The following RAB28 variants were observed in gnomAD, a reference collection of about 807,000 sequenced individuals.
The protein encoded by RAB28 is RAB28, member RAS oncogene family.
A neutral mutation model predicts 31.7 loss-of-function variants in RAB28; 24 were observed. The ratio of observed to expected loss-of-function variants is 0.76; its 90% CI spans 0.55 to 1.06. The LOEUF is 1.06. Ranked by LOEUF, RAB28 falls within the 50% of genes least tolerant of loss-of-function variation. RAB28 has a pLI of 0.00. For missense variants in RAB28, 254 were observed against 258.5 expected (o/e 0.98, Z 0.12); for synonymous variants, 100 against 90.4 (o/e 1.11, Z -0.60).
At chr4:13,376,452 C>A in intron 6 of RAB28, 93 bp downstream of exon 6, 1 of 810,872 alleles carries the variant, frequency 1.2e-6, no homozygotes, top group Non-Finnish European at 2.0e-6. Context: ...GATACGTACA[C>A]AGAAGGCATA....
chr4:13,390,911 G>T (rs932722744), intron 4 of RAB28, among the ~76,000 whole-genome samples: 1 of 152,074 alleles, frequency 6.6e-6, no homozygotes, highest in African/African-American at 2.4e-5. Context: ...AATTCAAGAT[G>T]GATTAAAGAC....
In RAB28 at chr4:13,484,087, C is replaced by T. The variant is rs1331994894; in HGVS notation, c.64G>A (p.Ala22Thr). ...QLKIVVLGDG[A>T]SGKTSLTTCF... is the part of the protein sequence containing the mutation. The stretch of plus-strand genomic sequence containing the variant: ...GCTCGAGGACTGACCTTCCCGGAGG[C>T]GCCGTCCCCCAGCACGACGATTTTC... Residue 22 changes from alanine to threonine, a missense_variant, in exon 1 of 7, where the codon GCC becomes ACC. Physicochemically the swap from Ala to Thr is moderately conservative, Grantham distance 58. Coordinates refer to ENST00000330852, the MANE Select transcript of RAB28 (RefSeq NM_001017979.3). 1 of 1,599,400 alleles carries T rather than the reference C, an allele frequency of 6.3e-7. No homozygotes were observed. The highest frequency in any genetic ancestry group is 1.7e-5 in the Admixed American group (1 of 58,666).
chr4:13,394,270 T>C (rs769124956), intron 4 of RAB28, among the ~76,000 whole-genome samples: 2 of 152,038 alleles, frequency 1.3e-5, no homozygotes, highest in African/African-American at 2.4e-5. Context: ...TTTCCACAGA[T>C]GGGGTAGTAG....
chr4:13,455,227 C>T (rs553696076), intron 4 of RAB28, among the ~76,000 whole-genome samples: 2 of 152,150 alleles, frequency 1.3e-5, no homozygotes, highest in Non-Finnish European at 2.9e-5. Flanking sequence ...CGGACCTGGG[C>T]ACAGACACAT....
At chr4:13,434,298 G>GC (rs1713973784) in intron 4 of RAB28, among the ~76,000 whole-genome samples, 1 of 152,010 alleles carries the variant, frequency 6.6e-6, no homozygotes, top group South Asian at 2.1e-4. Context: ...CTACACATGT[G>GC]CCCCCGCCAA....
chr4:13,412,784 A>G (rs541825980), intron 4 of RAB28, among the ~76,000 whole-genome samples: 1 of 152,292 alleles, frequency 6.6e-6, no homozygotes, highest in East Asian at 1.9e-4. Flanking sequence ...ATATTTTTAA[A>G]ACTTAATTAC....
intron 5 of RAB28, among the ~76,000 whole-genome samples, chr4:13,380,738 A>T (rs1729093456): frequency 6.6e-6 from 1 of 152,080 alleles, no homozygotes; most frequent in Admixed American, 6.5e-5. Flanking sequence ...CTTTCAAGGA[A>T]TCTACCTAAA....
At chr4:13,404,744 A>G (rs1711975055) in intron 4 of RAB28, among the ~76,000 whole-genome samples, 1 of 152,144 alleles carries the variant, frequency 6.6e-6, no homozygotes, top group African/African-American at 2.4e-5. Flanking sequence ...TGGAATATGG[A>G]AGGAAACAAA....
intron 6 of RAB28, among the ~76,000 whole-genome samples, chr4:13,375,030 G>A (rs955623810): frequency 6.6e-6 from 1 of 152,000 alleles, no homozygotes; most frequent in Non-Finnish European, 1.5e-5. Context: ...ATTCATACCA[G>A]CTCCTCTTTC....
intron 3 of RAB28, among the ~76,000 whole-genome samples, chr4:13,468,993 A>G (rs1010269679): frequency 1.3e-5 from 2 of 151,966 alleles, no homozygotes; most frequent in African/African-American, 4.8e-5. Context: ...AAAGACACAC[A>G]TTACCAAAAC....
chr4:13,402,225 C>T (rs982427427), intron 4 of RAB28, among the ~76,000 whole-genome samples: 1 of 152,136 alleles, frequency 6.6e-6, no homozygotes, highest in South Asian at 2.1e-4. Context: ...TCAGATGGAA[C>T]GTTCTGTAAA....
At chr4:13,385,928 A>G (rs1729349732) in intron 4 of RAB28, among the ~76,000 whole-genome samples, 1 of 152,160 alleles carries the variant, frequency 6.6e-6, no homozygotes, top group African/African-American at 2.4e-5. Context: ...AGAAAACAAG[A>G]GAAATGCTTA....
chr4:13,413,940 G>A (rs1359266333), intron 4 of RAB28, among the ~76,000 whole-genome samples: 1 of 152,180 alleles, frequency 6.6e-6, no homozygotes, highest in Non-Finnish European at 1.5e-5. Flanking sequence ...AGATTACACA[G>A]CAGTCTAGGA....
intron 2 of RAB28, among the ~76,000 whole-genome samples, chr4:13,474,738 T>C (rs1021104270): frequency 7.9e-5 from 12 of 151,650 alleles, no homozygotes; most frequent in Admixed American, 3.3e-4. Flanking sequence ...CACATGTCCA[T>C]GGAGCAAGAA....
chr4:13,423,292 T>C (rs1477282926), intron 4 of RAB28, among the ~76,000 whole-genome samples: 3 of 151,996 alleles, frequency 2.0e-5, no homozygotes, highest in Non-Finnish European at 2.9e-5. Flanking sequence ...TCCCAACACT[T>C]TAGGAGGCCA....
At position 13,474,379 on chromosome 4, in the gene RAB28, C is replaced by G. The variant is rs374669759; in HGVS notation, c.200G>C (p.Trp67Ser). ...TCCTATTGTCTGCCCTCCTATATCCCAAATTTGAAGGGTAACATTCAAGTT... is the reference window on the plus strand; with the variant it reads ...TCCTATTGTCTGCCCTCCTATATCCGAAATTTGAAGGGTAACATTCAAGTT... ...PGNLNVTLQIWDIGGQTIGGK... is the reference protein window; with the variant it reads ...PGNLNVTLQISDIGGQTIGGK... Residue 67 changes from tryptophan to serine, a missense_variant, in exon 3 of 7, where the codon TGG (tryptophan) becomes TCG (serine). Transcript: ENST00000330852. The G allele has an allele frequency of 3.1e-6, 5 of 1,591,936 alleles. No homozygotes were observed. Among genetic ancestry groups the G allele is most frequent in the Non-Finnish European group, 4.3e-6 (5 of 1,165,666 alleles).
intron 4 of RAB28, among the ~76,000 whole-genome samples, chr4:13,386,174 A>G (rs1478716768): frequency 1.3e-5 from 2 of 152,130 alleles, no homozygotes; most frequent in African/African-American, 4.8e-5. Flanking sequence ...CAACCTAAGC[A>G]AAACCATTCT....
At chr4:13,412,650 G>C (rs1336309727) in intron 4 of RAB28, among the ~76,000 whole-genome samples, 2 of 151,756 alleles carry the variant, frequency 1.3e-5, no homozygotes, top group African/African-American at 4.8e-5. Context: ...ACAGGAATCA[G>C]CACAGACTTT....
intron 4 of RAB28, among the ~76,000 whole-genome samples, chr4:13,421,619 C>A (rs1713150930): frequency 6.6e-6 from 1 of 152,210 alleles, no homozygotes; most frequent in Non-Finnish European, 1.5e-5. Context: ...ACCATCTGAT[C>A]TTCGACAAAC....
Sources: gnomAD v4.1 joint callset for allele counts (sites outside exome capture counted in the v4.1 genomes callset) on GRCh38, gnomAD v4.1.1 for gene constraint, MANE v1.5 for transcripts, NCBI Gene and HGNC (gene_info 2026-07-23, HGNC 2026-07-21) for gene names.